The following COL27A1 variants were observed in gnomAD, a reference collection of about 807,000 sequenced individuals.
COL27A1 encodes the protein collagen type XXVII alpha 1 chain, also known as collagen alpha-1(XXVII) chain.
Under a neutral mutation model 251.3 loss-of-function variants are expected in COL27A1, and 106 were observed. The observed-to-expected ratio is 0.42, with a 90% CI of 0.36 to 0.50. COL27A1 has a LOEUF of 0.50. COL27A1 is among the 20% of genes least tolerant of loss of function. COL27A1 has a pLI of 0.00. For synonymous variants in COL27A1, 1,000 were observed against 986.3 expected (o/e 1.01, Z -0.26); for missense variants, 2,325 against 2,522.8 (o/e 0.92, Z 1.68).
intron 41 of COL27A1, among the ~76,000 whole-genome samples, chr9:114,287,207 G>T (rs1827556517): frequency 6.6e-6 from 1 of 152,076 alleles, no homozygotes; most frequent in Non-Finnish European, 1.5e-5. Flanking sequence ...CTTTAGAACT[G>T]CCTCCCACCA....
chr9:114,175,904 A>G (rs1207370920), intron 3 of COL27A1, among the ~76,000 whole-genome samples: 1 of 151,992 alleles, frequency 6.6e-6, no homozygotes. Flanking sequence ...AATTACCCCC[A>G]CCTTGGCTTT....
intron 42 of COL27A1, 47 bp downstream of exon 42, chr9:114,288,558 CTG>C (rs749330131): frequency 6.4e-7 from 1 of 1,569,622 alleles, no homozygotes; most frequent in African/African-American, 1.3e-5. Context: ...TAGGTGGAAT[CTG>C]AGCCTCCCGC....
At chr9:114,165,686 ACCCT>A (rs1848786991) in intron 2 of COL27A1, among the ~76,000 whole-genome samples, 1 of 132,236 alleles carries the variant, frequency 7.6e-6, no homozygotes, top group African/African-American at 3.0e-5. Flanking sequence ...CCATCCATCT[ACCCT>A]TTCATCCACC....
At chr9:114,253,677 A>C (rs1253741523) in intron 27 of COL27A1, among the ~76,000 whole-genome samples, 1 of 152,216 alleles carries the variant, frequency 6.6e-6, no homozygotes, top group Admixed American at 6.5e-5. Context: ...AACTTCTCCA[A>C]GCCTGAATTT....
Position 114,290,906 on chromosome 9 carries a change from C to T in COL27A1, c.4465C>T (p.Pro1489Ser), listed in dbSNP as rs1827865774. 2 of 1,551,068 alleles carry T rather than the reference C, an allele frequency of 1.3e-6. No homozygotes were observed. The highest frequency in any genetic ancestry group is 2.4e-5 in the South Asian group (2 of 84,054). Residue 1489 changes from proline to serine, a missense_variant, in exon 48 of 61, where the codon CCA (proline) becomes TCA (serine). By Grantham distance (74) the Pro-to-Ser change is moderately conservative. Transcript: ENST00000356083. This position sits in a 1 kb window ranked among gnomAD's most constrained non-coding sequence, Gnocchi z 4.6. The part of the protein sequence containing the change: ...VAGLPGAQGP[P>S]GFKGESGLPG... ...CGGCTTACCTGGAGCACAGGGACCCCCAGGATTCAAGGTCAGATACCTCTT... is the reference window on the plus strand; with the variant it reads ...CGGCTTACCTGGAGCACAGGGACCCTCAGGATTCAAGGTCAGATACCTCTT...
chr9:114,186,769 T>C (rs946792710), intron 5 of COL27A1, among the ~76,000 whole-genome samples: 1 of 152,200 alleles, frequency 6.6e-6, no homozygotes, highest in African/African-American at 2.4e-5. Flanking sequence ...GCAAACGCCA[T>C]TTAGGCCATT....
At chr9:114,284,905 A>G in intron 41 of COL27A1, 128 bp downstream of exon 41, 1 of 977,616 alleles carries the variant, frequency 1.0e-6, no homozygotes, top group Non-Finnish European at 1.6e-6. Flanking sequence ...CACCCCCTGC[A>G]GCAGCCGAGG....
intron 24 of COL27A1, among the ~76,000 whole-genome samples, chr9:114,247,721 G>GGTAC (rs2135509641): frequency 6.6e-6 from 1 of 152,326 alleles, no homozygotes; most frequent in East Asian, 1.9e-4. Context: ...GGCACATGGA[G>GGTAC]GTACCATGCC....
chr9:114,256,341 A>T lies in COL27A1; in HGVS notation c.3142-2200A>T, dbSNP rs537150184. Among the ~76,000 whole-genome samples, 10 of 152,192 alleles carry T rather than the reference A, an allele frequency of 6.6e-5. No homozygotes were observed. The South Asian group carries it at 2.1e-3, about 32-fold the overall frequency. ...CCCGTCTCTACTAAAAAACAGAAAA[A>T]AATTAGCCGGGCATGGCGGCGGGCA... On this transcript the variant is annotated intron_variant, in intron 27 of 60. Transcript: ENST00000356083.
At chr9:114,285,781 G>C (rs923091634) in intron 41 of COL27A1, among the ~76,000 whole-genome samples, 2 of 152,194 alleles carry the variant, frequency 1.3e-5, no homozygotes, top group African/African-American at 4.8e-5. Context: ...GCACAGAAGG[G>C]GTTAACACAG....
In COL27A1 at chr9:114,232,521, C is replaced by G. The variant is rs533683762; in HGVS notation, c.2565+655C>G. On this transcript the variant is annotated intron_variant, in intron 16 of 60. Coordinates refer to ENST00000356083, the MANE Select transcript of COL27A1 (RefSeq NM_032888.4). ...CTCTGTGGCCATCTTCCTGCCTAGC[C>G]TCTTCAGACCTTGGCAAACCAGGAC... Among the ~76,000 whole-genome samples, 318 of 152,348 alleles carry G rather than the reference C, an allele frequency of 2.1e-3. 3 individuals carry two copies. The highest frequency in any genetic ancestry group is 3.0e-3 in the Non-Finnish European group (206 of 68,038).
chr9:114,295,142 AC>A (rs1306436063), intron 49 of COL27A1, among the ~76,000 whole-genome samples: 2 of 152,262 alleles, frequency 1.3e-5, no homozygotes, highest in African/African-American at 4.8e-5. Context: ...ATTTCTATAC[AC>A]TAGCAACAAA....
chr9:114,163,473 G>A (rs541074895), intron 2 of COL27A1, among the ~76,000 whole-genome samples: 23 of 151,818 alleles, frequency 1.5e-4, no homozygotes, highest in African/African-American at 3.1e-4. Context: ...TCCTCTTCCC[G>A]TGAGATCCTA....
In COL27A1 at chr9:114,290,456, A is replaced by C; in HGVS notation, c.4368+125A>C. ...GGATGGGCAGAACCAACACATCCAGAAGTTCTCTGGGGTGGGCAACCATCT... is the reference window on the plus strand; with the variant it reads ...GGATGGGCAGAACCAACACATCCAGCAGTTCTCTGGGGTGGGCAACCATCT... On this transcript the variant is annotated intron_variant, in intron 47 of 60. Coordinates refer to ENST00000356083, the MANE Select transcript of COL27A1 (RefSeq NM_032888.4). This position sits in a 1 kb window ranked among gnomAD's most constrained non-coding sequence, Gnocchi z 4.6. 1 of 813,328 alleles carries C rather than the reference A, an allele frequency of 1.2e-6. No individual in the cohort carries two copies. The highest frequency in any genetic ancestry group is 1.9e-6 in the Non-Finnish European group (1 of 525,448). The allele number at this position is 813,328 out of a possible 1,614,324, so 50.4% of individuals were successfully genotyped here. A position where few individuals can be genotyped will look rare whatever the true frequency, so the allele number is the denominator to read the frequency against.
At chr9:114,305,047 T>C (rs1465354701) in intron 57 of COL27A1, among the ~76,000 whole-genome samples, 2 of 152,180 alleles carry the variant, frequency 1.3e-5, no homozygotes, top group African/African-American at 2.4e-5. Flanking sequence ...AAGAAGCTCA[T>C]GGTTAGCTCG....
At chr9:114,307,834 C>A in intron 59 of COL27A1, 56 bp downstream of exon 59, 2 of 1,327,004 alleles carry the variant, frequency 1.5e-6, no homozygotes, top group Non-Finnish European at 1.1e-6. Flanking sequence ...CCCCAGCCTG[C>A]CCTGGGCCAC....
At chr9:114,167,644 G>C in intron 2 of COL27A1, 45 bp from the exon 3 acceptor site, 1 of 1,531,376 alleles carries the variant, frequency 6.5e-7, no homozygotes, top group Non-Finnish European at 8.9e-7. Flanking sequence ...GGGTGGGCTG[G>C]AGCAGGCCCT....
chr9:114,208,668 T>C (rs1236675743), intron 10 of COL27A1, among the ~76,000 whole-genome samples: 1 of 151,950 alleles, frequency 6.6e-6, no homozygotes, highest in African/African-American at 2.4e-5. Flanking sequence ...TACTGCCCTT[T>C]AGAAGTTCCC....
At chr9:114,243,924 CA>C (rs1258757179) in intron 23 of COL27A1, among the ~76,000 whole-genome samples, 12,540 of 137,892 alleles carry the variant, frequency 0.091, 1,226 homozygotes, top group East Asian at 0.47. Context: ...TTTTTTCTTT[CA>C]TTTTTTTTTT....
Sources: gnomAD v4.1 joint callset for allele counts (sites outside exome capture counted in the v4.1 genomes callset) on GRCh38, gnomAD v4.1.1 for gene constraint, Gnocchi (gnomAD v3.1) non-coding constraint, MANE v1.5 for transcripts, NCBI Gene and HGNC (gene_info 2026-07-23, HGNC 2026-07-21) for gene names.